The following DPP10 variants were observed in gnomAD, a reference collection of about 807,000 sequenced individuals.
The protein encoded by DPP10 is dipeptidyl peptidase like 10, also known as inactive dipeptidyl peptidase 10.
DPP10 carries 33 observed loss-of-function variants against 120.9 expected under a neutral mutation model. That is an observed-to-expected ratio of 0.27 (90% CI 0.21 to 0.37). DPP10 has a LOEUF of 0.37. Ranked by LOEUF, DPP10 falls within the 10% of genes least tolerant of loss-of-function variation. DPP10 has a pLI of 1.00. For missense variants in DPP10, 816 were observed against 942.8 expected, an observed-to-expected ratio of 0.87 and a Z score of 1.76; for synonymous variants, 337 against 326.1, an observed-to-expected ratio of 1.03 and a Z score of -0.36.
At chr2:114,490,113 C>T (rs1427541781) in intron 1 of DPP10, among the ~76,000 whole-genome samples, 4 of 152,160 alleles carry the variant, frequency 2.6e-5, no homozygotes, top group Non-Finnish European at 5.9e-5. Context: ...AGCAATAGCA[C>T]GGTAGGACCT....
At chr2:115,705,385 A>T (rs1180893054) in intron 7 of DPP10, among the ~76,000 whole-genome samples, 1 of 151,944 alleles carries the variant, frequency 6.6e-6, no homozygotes, top group East Asian at 1.9e-4. Context: ...ATACACAAAT[A>T]TATTTGTGTG....
chr2:115,032,592 G>T, intron 1 of DPP10, among the ~76,000 whole-genome samples: 1 of 151,894 alleles, frequency 6.6e-6, no homozygotes, highest in Middle Eastern at 3.2e-3. Context: ...TAGAATATAG[G>T]TTCATTGGCC....
At chr2:115,307,752 A>G (rs1559398114) in intron 1 of DPP10, among the ~76,000 whole-genome samples, 2 of 152,140 alleles carry the variant, frequency 1.3e-5, no homozygotes, top group Non-Finnish European at 2.9e-5. Flanking sequence ...AACTTGCAGG[A>G]ACGTTGCATT....
chr2:115,134,150 A>G (rs2050526993), intron 1 of DPP10, among the ~76,000 whole-genome samples: 2 of 152,208 alleles, frequency 1.3e-5, no homozygotes, highest in Non-Finnish European at 2.9e-5. Context: ...AAGATCTTTT[A>G]TGAGACATGA....
Position 115,689,693 on chromosome 2 carries a change from C to G in DPP10, c.448C>G (p.His150Asp). The G allele has an allele frequency of 6.5e-7, 1 of 1,548,178 alleles. No homozygotes were observed. Among genetic ancestry groups the G allele is most frequent in the Non-Finnish European group, 8.8e-7 (1 of 1,136,292 alleles). ...GTTTCTTTTTTAATTTCAGATTTTTCATTATTCGTATACTGCTTCATATGT... is the reference window on the plus strand; with the variant it reads ...GTTTCTTTTTTAATTTCAGATTTTTGATTATTCGTATACTGCTTCATATGT... ...LLAYDVKQIF[H>D]YSYTASYVIY... Residue 150 changes from histidine to aspartate, a missense_variant, in exon 6 of 26, where the codon CAT (histidine) becomes GAT (aspartate). Physicochemically the swap from His to Asp is moderately conservative, Grantham distance 81 (BLOSUM62 -1). Coordinates refer to ENST00000410059, the MANE Select transcript of DPP10 (RefSeq NM_020868.6).
At chr2:115,619,513 C>T (rs948243798) in intron 5 of DPP10, among the ~76,000 whole-genome samples, 1 of 152,154 alleles carries the variant, frequency 6.6e-6, no homozygotes, top group East Asian at 1.9e-4. Flanking sequence ...TTACAATTCT[C>T]GCATCTTTTT....
At chr2:114,888,812 T>C (rs1392808501) in intron 1 of DPP10, among the ~76,000 whole-genome samples, 2 of 152,184 alleles carry the variant, frequency 1.3e-5, no homozygotes, top group African/African-American at 2.4e-5. Flanking sequence ...CACTATGAGA[T>C]AGCACAGATA....
chr2:114,494,111 A>AAACAAC (rs1220688196), intron 1 of DPP10, among the ~76,000 whole-genome samples: 5 of 146,270 alleles, frequency 3.4e-5, no homozygotes, highest in Admixed American at 1.4e-4. Context: ...CAAAAAAAAA[A>AAACAAC]AAAAAAAAAA....
chr2:114,812,583 G>GACACACACACACAC (rs3036385), intron 1 of DPP10, among the ~76,000 whole-genome samples: 2,563 of 134,382 alleles, frequency 0.019, 43 homozygotes, highest in Middle Eastern at 0.019. Context: ...GTGAGACATT[G>GACACACACACACAC]ACACACACAC....
At chr2:115,661,786 G>A (rs1415746900) in intron 5 of DPP10, among the ~76,000 whole-genome samples, 1 of 152,114 alleles carries the variant, frequency 6.6e-6, no homozygotes, top group Non-Finnish European at 1.5e-5. Flanking sequence ...TTAATGATTT[G>A]ATGGACATTA....
At chr2:114,483,956 G>C (rs1284620430) in intron 1 of DPP10, among the ~76,000 whole-genome samples, 1 of 152,104 alleles carries the variant, frequency 6.6e-6, no homozygotes, top group African/African-American at 2.4e-5. Flanking sequence ...GAACACTGGG[G>C]ACAACTTTAC....
At chr2:114,984,703 C>T (rs1221240162) in intron 1 of DPP10, among the ~76,000 whole-genome samples, 1 of 152,148 alleles carries the variant, frequency 6.6e-6, no homozygotes, top group Non-Finnish European at 1.5e-5. Context: ...TTGTTCTAGT[C>T]AAAACTTTAG....
intron 10 of DPP10, among the ~76,000 whole-genome samples, chr2:115,751,852 G>A (rs1323151246): frequency 6.6e-6 from 1 of 151,274 alleles, no homozygotes; most frequent in Non-Finnish European, 1.5e-5. Context: ...AGGCTGTAGG[G>A]CAGTGGCACG....
At chr2:114,813,985 CA>C (rs1685409414) in intron 1 of DPP10, among the ~76,000 whole-genome samples, 4 of 149,032 alleles carry the variant, frequency 2.7e-5, no homozygotes, top group Admixed American at 1.3e-4. Context: ...CACACACACA[CA>C]CCACGAGCTG....
Position 114,578,226 on chromosome 2 carries a change from C to A in DPP10, c.60+135388C>A, listed in dbSNP as rs1440637276. 2.0e-5 allele frequency among the ~76,000 whole-genome samples: 3 copies of A among 152,224 alleles called. No individual in the cohort carries two copies. In the East Asian group the frequency reaches 5.8e-4, roughly 29 times the overall value. ...CTCTGGTGTTGAAGAATCAATTATA[C>A]AAATGTATGTAATGCACAAGTATAT... On this transcript the variant is annotated intron_variant, in intron 1 of 25. Coordinates refer to ENST00000410059, the MANE Select transcript of DPP10 (RefSeq NM_020868.6).
rs188373562 is a variant in DPP10, at chr2:115,707,134, A to G, written c.576+17213A>G. Among the ~76,000 whole-genome samples the G allele has an allele frequency of 5.3e-5, 8 of 152,118 alleles. No individual in the cohort carries two copies. In the South Asian group the frequency reaches 6.2e-4, roughly 12 times the overall value. On this transcript the variant is annotated intron_variant, in intron 7 of 25. Coordinates refer to ENST00000410059, the MANE Select transcript of DPP10 (RefSeq NM_020868.6). ...TAGATTTTGAGAAACACAAAGAAAT[A>G]GACAAACTGACAATTTTAGCTGGTA...
chr2:114,829,994 C>T (rs1309875220), intron 1 of DPP10, among the ~76,000 whole-genome samples: 7 of 152,036 alleles, frequency 4.6e-5, no homozygotes, highest in Admixed American at 4.6e-4. Flanking sequence ...CTCTGCTGCC[C>T]TGGGCCTACT....
chr2:114,920,463 G>T (rs534733331), intron 1 of DPP10, among the ~76,000 whole-genome samples: 15 of 152,312 alleles, frequency 9.8e-5, no homozygotes, highest in African/African-American at 3.6e-4. Flanking sequence ...ACTGATTAGT[G>T]AGGCAGTTCT....
chr2:115,260,010 G>A, intron 1 of DPP10, among the ~76,000 whole-genome samples: 1 of 151,296 alleles, frequency 6.6e-6, no homozygotes, highest in Non-Finnish European at 1.5e-5. Context: ...TTTTAAAAAT[G>A]ATATGTTTAA....
Sources: gnomAD v4.1 joint callset for allele counts (sites outside exome capture counted in the v4.1 genomes callset) on GRCh38, gnomAD v4.1.1 for gene constraint, MANE v1.5 for transcripts, NCBI Gene and HGNC (gene_info 2026-07-23, HGNC 2026-07-21) for gene names.